TSPAN7: variants seen among roughly 807,000 people sequenced by gnomAD.
TSPAN7 encodes the protein tetraspanin-7.
TSPAN7 carries 1 observed loss-of-function variant against 17.6 expected under a neutral mutation model. The ratio of observed to expected loss-of-function variants is 0.06; its 90% confidence interval spans 0.02 to 0.27. The LOEUF is 0.27. Ranked by LOEUF, TSPAN7 falls within the 10% of genes least tolerant of loss-of-function variation. The probability of loss-of-function intolerance (pLI) is 1.00; values close to 1 mark genes in which losing one functional copy is unlikely to be tolerated. For synonymous variants in TSPAN7, 78 were observed against 79.0 expected (o/e 0.99, Z 0.07); for missense variants, 112 against 201.7 (o/e 0.56, Z 2.69).
intron 4 of TSPAN7, among the ~76,000 whole-genome samples, chrX:38,674,532 A>G (rs942984370): frequency 2.7e-5 from 3 of 111,849 alleles, no homozygotes; most frequent in Non-Finnish European, 5.6e-5. Context: ...TGTGCCTTGT[A>G]TCAGTAAGGG....
Position 38,682,035 on chromosome X carries a change from T to G in TSPAN7, c.681+748T>G, listed in dbSNP as rs999380793. Reference sequence around the variant, plus strand: ...GATACATCCTTGCTATAATGTTGCTTTGGGTAGAAGAATCAACATGTATAG... The same window carrying G: ...GATACATCCTTGCTATAATGTTGCTGTGGGTAGAAGAATCAACATGTATAG... On this transcript the variant is annotated intron_variant, in intron 6 of 7. Transcript: ENST00000378482. 3.6e-5 allele frequency among the ~76,000 whole-genome samples: 4 copies of G among 112,177 alleles called. No homozygotes were observed. In the Admixed American group the frequency reaches 3.8e-4, roughly 11 times the overall value.
At chrX:38,582,346 T>C (rs949681879) in intron 1 of TSPAN7, among the ~76,000 whole-genome samples, 3 of 111,941 alleles carry the variant, frequency 2.7e-5, no homozygotes, top group African/African-American at 9.7e-5. Context: ...ACACAAAATG[T>C]TTCTTAAGTT....
intron 1 of TSPAN7, among the ~76,000 whole-genome samples, chrX:38,630,505 G>A (rs1365968616): frequency 1.8e-5 from 2 of 111,620 alleles, no homozygotes; most frequent in Middle Eastern, 4.7e-3. Flanking sequence ...GGTAAGTCCA[G>A]GTAAAGACTG....
chrX:38,687,386 G>A, intron 6 of TSPAN7, among the ~76,000 whole-genome samples: 1 of 111,534 alleles, frequency 9.0e-6, no homozygotes, highest in Non-Finnish European at 1.9e-5. Flanking sequence ...CAACAGCTGA[G>A]ATCCCATGGT....
intron 1 of TSPAN7, among the ~76,000 whole-genome samples, chrX:38,637,954 G>T (rs1471517071): frequency 9.0e-6 from 1 of 111,578 alleles, no homozygotes; most frequent in Non-Finnish European, 1.9e-5. Context: ...CCAGCCCCGG[G>T]GGACTTCACT....
intron 1 of TSPAN7, among the ~76,000 whole-genome samples, chrX:38,665,722 G>A (rs2069777625): frequency 8.9e-6 from 1 of 112,059 alleles, no homozygotes; most frequent in Admixed American, 9.5e-5. Context: ...AATATACTGT[G>A]TACACACATG....
intron 1 of TSPAN7, among the ~76,000 whole-genome samples, chrX:38,626,481 T>C (rs926614202): frequency 9.0e-6 from 1 of 110,846 alleles, no homozygotes; most frequent in Non-Finnish European, 1.9e-5. Context: ...TATTCGGGAG[T>C]GAAAGTGCAG....
chrX:38,624,470 C>A (rs947105528), intron 1 of TSPAN7, among the ~76,000 whole-genome samples: 3 of 112,099 alleles, frequency 2.7e-5, no homozygotes, highest in Non-Finnish European at 5.6e-5. Context: ...CGAGAGACTT[C>A]TCTGTTTTTT....
intron 1 of TSPAN7, among the ~76,000 whole-genome samples, chrX:38,614,183 CCTGAAGGGTAGAA>C (rs1324192532): frequency 9.0e-6 from 1 of 110,898 alleles, no homozygotes; most frequent in African/African-American, 3.3e-5. Flanking sequence ...ACCGACTTAA[CCTGAAGGGTAGAA>C]CTGTTGTTTC....
chrX:38,643,036 A>G (rs1024932316), intron 1 of TSPAN7, among the ~76,000 whole-genome samples: 13 of 110,817 alleles, frequency 1.2e-4, no homozygotes, highest in East Asian at 5.7e-4. Flanking sequence ...AACTTGCACA[A>G]TGGGTCCTTA....
chrX:38,687,357 G>A (rs1267101324), intron 6 of TSPAN7, among the ~76,000 whole-genome samples: 1 of 111,189 alleles, frequency 9.0e-6, no homozygotes, highest in Non-Finnish European at 1.9e-5. Context: ...ACTTCCAGTT[G>A]GCTCTGCAGT....
chrX:38,638,039 G>C (rs1443311896), intron 1 of TSPAN7, among the ~76,000 whole-genome samples: 1 of 110,732 alleles, frequency 9.0e-6, no homozygotes, highest in Non-Finnish European at 1.9e-5. Context: ...ATTAATGAAA[G>C]TGTTAAGGAT....
Position 38,675,853 on chromosome X carries a change from A to C in TSPAN7, c.590A>C (p.Asn197Thr). 1 of 1,211,179 alleles carries C rather than the reference A, an allele frequency of 8.3e-7. No individual in the cohort carries two copies. The highest frequency in any genetic ancestry group is 1.1e-6 in the Non-Finnish European group (1 of 895,332). Residue 197 changes from asparagine to threonine, a missense_variant, in exon 5 of 8, where the codon AAC becomes ACC. Physicochemically the swap from Asn to Thr is moderately conservative, Grantham distance 65. Coordinates refer to ENST00000378482, the MANE Select transcript of TSPAN7 (RefSeq NM_004615.4). ...HNLTVAATKV[N>T]QKGCYDLVTS... ...CTGACTGTGGCCGCCACCAAAGTTA[A>C]CCAGAAGGTACCCGCTTTCTCCTGG...
At chrX:38,591,720 T>A (rs1296654920) in intron 1 of TSPAN7, among the ~76,000 whole-genome samples, 1 of 112,344 alleles carries the variant, frequency 8.9e-6, no homozygotes, top group East Asian at 2.8e-4. Context: ...AGGATTGTTA[T>A]GTCCTTGTGA....
In TSPAN7 at chrX:38,650,185, C is replaced by T. The variant is rs186125951; in HGVS notation, c.82-15936C>T. Among the ~76,000 whole-genome samples the T allele has an allele frequency of 1.4e-4, 16 of 112,122 alleles. No individual in the cohort carries two copies. The East Asian group carries it at 3.1e-3, about 22-fold the overall frequency. On this transcript the variant is annotated intron_variant, in intron 1 of 7. Transcript: ENST00000378482. Reference sequence around the variant, plus strand: ...GGCTTCCTGTCCCAGGAAGTGCCAGCGGCTTGTGCTTCCCTACAGGATGCC... The same window carrying T: ...GGCTTCCTGTCCCAGGAAGTGCCAGTGGCTTGTGCTTCCCTACAGGATGCC...
intron 1 of TSPAN7, among the ~76,000 whole-genome samples, chrX:38,657,666 A>G (rs374898274): frequency 2.0e-4 from 22 of 112,686 alleles, no homozygotes; most frequent in Admixed American, 9.4e-4. Flanking sequence ...TAGTCCTGCC[A>G]CTTTGTAGAT....
At chrX:38,563,096 CATT>C in intron 1 of TSPAN7, 1 of 971,201 alleles carries the variant, frequency 1.0e-6, no homozygotes. Flanking sequence ...TGCACCCGGA[CATT>C]TCCTTATCGC....
intron 1 of TSPAN7, among the ~76,000 whole-genome samples, chrX:38,652,257 G>T: frequency 8.9e-6 from 1 of 111,843 alleles, no homozygotes; most frequent in South Asian, 3.8e-4. Context: ...GCTAGCAAAG[G>T]CTAGCCAATT....
intron 1 of TSPAN7, among the ~76,000 whole-genome samples, chrX:38,577,937 A>G (rs889884240): frequency 2.7e-4 from 30 of 110,762 alleles, no homozygotes; most frequent in African/African-American, 9.8e-4. Flanking sequence ...TAGACTGTGT[A>G]GGCCCCTGGA....
Sources: gnomAD v4.1 joint callset for allele counts (sites outside exome capture counted in the v4.1 genomes callset) on GRCh38, gnomAD v4.1.1 for gene constraint, MANE v1.5 for transcripts, NCBI Gene and HGNC (gene_info 2026-07-23, HGNC 2026-07-21) for gene names.